Variants in HHAT observed in about 807,000 individuals in gnomAD.
HHAT encodes the protein hedgehog acyltransferase, also known as protein-cysteine N-palmitoyltransferase HHAT.
In HHAT, 47 loss-of-function variants were observed where a neutral mutation model predicts 70.8. That is an observed-to-expected ratio of 0.66 (90% CI 0.53 to 0.85). HHAT has a LOEUF of 0.85. Ranked by LOEUF, HHAT falls within the 40% of genes least tolerant of loss-of-function variation. The pLI is 0.00. For synonymous variants in HHAT, 228 were observed against 247.6 expected, an observed-to-expected ratio of 0.92 and a Z score of 0.74; for missense variants, 609 against 604.8, an observed-to-expected ratio of 1.01 and a Z score of -0.07.
chr1:210,602,610 A>G (rs1337686564), intron 10 of HHAT, among the ~76,000 whole-genome samples: 2 of 152,032 alleles, frequency 1.3e-5, no homozygotes, highest in African/African-American at 4.8e-5. Flanking sequence ...ATGCTTAGAA[A>G]TTTAGGAACA....
At chr1:210,534,319 T>C (rs566070471) in intron 9 of HHAT, among the ~76,000 whole-genome samples, 13 of 152,348 alleles carry the variant, frequency 8.5e-5, no homozygotes, top group South Asian at 4.1e-4. Context: ...TATTTAACTT[T>C]GGCTACCTGA....
At chr1:210,381,605 A>G (rs2090642087) in intron 3 of HHAT, among the ~76,000 whole-genome samples, 2 of 152,140 alleles carry the variant, frequency 1.3e-5, no homozygotes, top group Non-Finnish European at 1.5e-5. Context: ...AGGCTTACCC[A>G]TGGCCTTTCT....
intron 9 of HHAT, among the ~76,000 whole-genome samples, chr1:210,541,296 C>T (rs1157989385): frequency 1.3e-5 from 2 of 152,120 alleles, no homozygotes; most frequent in African/African-American, 4.8e-5. Context: ...GCCACTTGAC[C>T]AGCATTGTGT....
intron 8 of HHAT, among the ~76,000 whole-genome samples, chr1:210,505,511 G>A (rs1479333743): frequency 6.6e-6 from 1 of 152,182 alleles, no homozygotes; most frequent in African/African-American, 2.4e-5. Context: ...GGAGGTTAGG[G>A]CAGATACACT....
intron 11 of HHAT, among the ~76,000 whole-genome samples, chr1:210,639,960 C>T (rs1043680983): frequency 2.0e-5 from 3 of 152,160 alleles, no homozygotes; most frequent in Non-Finnish European, 4.4e-5. Flanking sequence ...AGGAGCACCC[C>T]TAGTGACTCT....
intron 9 of HHAT, among the ~76,000 whole-genome samples, 193 bp downstream of exon 9, chr1:210,513,381 T>C (rs1447182592): frequency 6.6e-6 from 1 of 152,206 alleles, no homozygotes; most frequent in Admixed American, 6.5e-5. Context: ...GAAATCAATG[T>C]TTAAAGAGGC....
intron 8 of HHAT, among the ~76,000 whole-genome samples, chr1:210,497,655 C>G (rs1305640276): frequency 1.3e-5 from 2 of 152,146 alleles, no homozygotes; most frequent in African/African-American, 4.8e-5. Flanking sequence ...TCTCTATCTT[C>G]CAGTCACAGT....
At chr1:210,418,094 C>A in intron 6 of HHAT, 60 bp from the exon 7 acceptor site, 1 of 1,515,440 alleles carries the variant, frequency 6.6e-7, no homozygotes, top group Non-Finnish European at 9.1e-7. Context: ...AAAATCTTAT[C>A]TAAGGGACTG....
intron 9 of HHAT, among the ~76,000 whole-genome samples, chr1:210,540,947 T>G (rs1021874410): frequency 3.9e-5 from 6 of 152,116 alleles, no homozygotes; most frequent in Non-Finnish European, 8.8e-5. Flanking sequence ...TCCAAGAAAT[T>G]ATCCTGCCTC....
intron 6 of HHAT, among the ~76,000 whole-genome samples, chr1:210,412,934 C>T (rs902056024): frequency 2.6e-5 from 4 of 152,190 alleles, no homozygotes; most frequent in Non-Finnish European, 4.4e-5. Flanking sequence ...CACTGGGGCC[C>T]ACAGGAGCCA....
chr1:210,574,555 T>C lies in HHAT; in HGVS notation c.1044-13343T>C, dbSNP rs561184986. Reference sequence around the variant, plus strand: ...GCTTCCTGACAACAAAGAACTTGCCTTTTCTTTTCCTTTATATTACCCTTG... The same window carrying C: ...GCTTCCTGACAACAAAGAACTTGCCCTTTCTTTTCCTTTATATTACCCTTG... On this transcript the variant is annotated intron_variant, in intron 9 of 11. Coordinates refer to ENST00000261458, the MANE Select transcript of HHAT (RefSeq NM_018194.6). Among the ~76,000 whole-genome samples the C allele has an allele frequency of 3.3e-5, 5 of 152,350 alleles. No individual in the cohort carries two copies. The South Asian group carries it at 6.2e-4, about 19-fold the overall frequency.
At chr1:210,616,382 T>C (rs1264670099) in intron 10 of HHAT, among the ~76,000 whole-genome samples, 2 of 152,180 alleles carry the variant, frequency 1.3e-5, no homozygotes, top group East Asian at 1.9e-4. Context: ...TATGCAGATA[T>C]TTTATATTTT....
chr1:210,543,065 T>C (rs2095446689), intron 9 of HHAT, among the ~76,000 whole-genome samples: 1 of 152,162 alleles, frequency 6.6e-6, no homozygotes, highest in South Asian at 2.1e-4. Flanking sequence ...AGCTTTTGAT[T>C]TTCTTTTTCT....
intron 8 of HHAT, among the ~76,000 whole-genome samples, chr1:210,496,010 C>CAAAAAAAAAAAAAAAA (rs10639399): frequency 1.2e-4 from 8 of 67,946 alleles, no homozygotes; most frequent in African/African-American, 2.0e-4. Context: ...AACTCTATCT[C>CAAAAAAAAAAAAAAAA]AAAAAAAAAA....
chr1:210,637,890 G>A (rs1262870997), intron 11 of HHAT, among the ~76,000 whole-genome samples: 1 of 150,018 alleles, frequency 6.7e-6, no homozygotes, highest in African/African-American at 2.4e-5. Flanking sequence ...CAAAGGACCT[G>A]AATAGATATG....
intron 8 of HHAT, among the ~76,000 whole-genome samples, chr1:210,510,822 G>C (rs910222518): frequency 2.0e-5 from 3 of 152,116 alleles, no homozygotes; most frequent in African/African-American, 7.2e-5. Flanking sequence ...TTTCATTACT[G>C]TTTCAGTGCC....
At chr1:210,623,377 A>T in intron 10 of HHAT, 149 bp from the exon 11 acceptor site, 2 of 855,324 alleles carry the variant, frequency 2.3e-6, no homozygotes, top group Non-Finnish European at 3.7e-6. Context: ...CCAGACAGGA[A>T]TTGAAGTTTT....
intron 9 of HHAT, among the ~76,000 whole-genome samples, chr1:210,545,238 C>T (rs2095472773): frequency 6.6e-6 from 1 of 152,138 alleles, no homozygotes; most frequent in Non-Finnish European, 1.5e-5. Flanking sequence ...CCTCTGCAAC[C>T]TCATCATGCA....
Position 210,340,242 on chromosome 1 carries a change from G to GGGGAAA in HHAT, c.-43-8691_-43-8690insGGGAAA, listed in dbSNP as rs1553313987. On this transcript the variant is annotated intron_variant, in intron 1 of 11. Transcript: ENST00000261458. ...GGGGATAGAGCAAGACTCTGTCTCA[G>GGGGAAA]AAAAAAAAAAAAAAAAAAAAAAAAA... 2.2e-3 allele frequency among the ~76,000 whole-genome samples: 223 copies of GGGGAAA among 99,768 alleles called. 14 individuals are homozygous for GGGGAAA. The highest frequency in any genetic ancestry group is 2.2e-3 in the Non-Finnish European group (109 of 48,726). 65.5% of individuals were successfully genotyped at this position (99,768 alleles called of 152,430 possible).
Sources: gnomAD v4.1 joint callset for allele counts (sites outside exome capture counted in the v4.1 genomes callset) on GRCh38, gnomAD v4.1.1 for gene constraint, MANE v1.5 for transcripts, NCBI Gene and HGNC (gene_info 2026-07-23, HGNC 2026-07-21) for gene names.